Variants in FBLN5 observed in about 807,000 individuals in gnomAD.
The protein encoded by FBLN5 is fibulin 5.
FBLN5 carries 24 observed loss-of-function variants against 61.6 expected under a neutral mutation model. The observed-to-expected ratio is 0.39, with a 90% CI of 0.28 to 0.55. The LOEUF (loss-of-function observed/expected upper bound fraction) is 0.55, where lower values mean the gene tolerates loss of function less well. Among genes scored for constraint, FBLN5 ranks in the 20% least tolerant of loss-of-function variants. The pLI is 0.65. For missense variants in FBLN5, 470 were observed against 594.1 expected, an observed-to-expected ratio of 0.79 and a Z score of 2.17; for synonymous variants, 213 against 219.8, an observed-to-expected ratio of 0.97 and a Z score of 0.27.
Position 91,943,107 on chromosome 14 carries a change from T to A in FBLN5, c.18-146A>T, listed in dbSNP as rs900836894. The A allele has an allele frequency of 1.4e-6, 1 of 698,654 alleles. No homozygotes were observed. The highest frequency in any genetic ancestry group is 2.6e-6 in the Non-Finnish European group (1 of 377,658). The allele number at this position is 698,654 out of a possible 1,614,324, so 43.3% of individuals were successfully genotyped here. A position where few individuals can be genotyped will look rare whatever the true frequency, so the allele number is the denominator to read the frequency against. On this transcript the variant is annotated intron_variant, in intron 1 of 10. Transcript: ENST00000342058. This position sits in a 1 kb window ranked among gnomAD's most constrained non-coding sequence, Gnocchi z 4.0. ...TGTGCTCCAGGGAGGTCATGGTGGTTCCAGACACCGCGACCACCCAAGCAG... is the reference window on the plus strand; with the variant it reads ...TGTGCTCCAGGGAGGTCATGGTGGTACCAGACACCGCGACCACCCAAGCAG...
intron 4 of FBLN5, among the ~76,000 whole-genome samples, chr14:91,927,019 ACT>A (rs2055841362): frequency 6.6e-6 from 1 of 152,028 alleles, no homozygotes; most frequent in Admixed American, 6.5e-5. Context: ...ACTGCATCAC[ACT>A]CTCTACCACT....
chr14:91,918,126 G>A (rs989955768), intron 4 of FBLN5, among the ~76,000 whole-genome samples: 10 of 152,202 alleles, frequency 6.6e-5, no homozygotes, highest in African/African-American at 2.4e-4. Flanking sequence ...TCAAGGGACA[G>A]TCCTCAAATG....
At chr14:91,905,154 C>G (rs548856716) in intron 4 of FBLN5, among the ~76,000 whole-genome samples, 1 of 152,144 alleles carries the variant, frequency 6.6e-6, no homozygotes, top group African/African-American at 2.4e-5. Context: ...TCATGAAATA[C>G]GCACGTGCAC....
At chr14:91,926,523 T>C (rs1408715064) in intron 4 of FBLN5, among the ~76,000 whole-genome samples, 1 of 152,168 alleles carries the variant, frequency 6.6e-6, no homozygotes, top group Non-Finnish European at 1.5e-5. Context: ...GCTCGAAAGC[T>C]GCCTCTGTGG....
At chr14:91,871,069 T>C (rs1888901140) in intron 10 of FBLN5, among the ~76,000 whole-genome samples, 1 of 152,114 alleles carries the variant, frequency 6.6e-6, no homozygotes, top group Non-Finnish European at 1.5e-5. Flanking sequence ...GCTTATTACC[T>C]GGGTGATGAC....
intron 4 of FBLN5, among the ~76,000 whole-genome samples, chr14:91,913,878 CA>C (rs1271224301): frequency 1.3e-5 from 2 of 152,180 alleles, no homozygotes; most frequent in African/African-American, 4.8e-5. Context: ...CTAAATAAAT[CA>C]TGGATAACAA....
chr14:91,898,878 T>G (rs1890337035), intron 4 of FBLN5, among the ~76,000 whole-genome samples: 1 of 141,948 alleles, frequency 7.0e-6, no homozygotes, highest in South Asian at 2.4e-4. Flanking sequence ...CTAAGCTCAC[T>G]GCAAGCTCTG....
rs140062055 is a variant in FBLN5, at chr14:91,901,951, C to T, written c.380-6879G>A. The stretch of plus-strand genomic sequence containing the variant: ...GGATTCTCTTTCTCTATCCCTAAAG[C>T]GAGAGCTGGAGGAGAGTTCTGAAAG... On this transcript the variant is annotated intron_variant, in intron 4 of 10. Coordinates refer to ENST00000342058, the MANE Select transcript of FBLN5 (RefSeq NM_006329.4). Among the ~76,000 whole-genome samples the T allele has an allele frequency of 1.9e-4, 29 of 152,262 alleles. No homozygotes were observed. The East Asian group carries it at 3.3e-3, about 17-fold the overall frequency.
At chr14:91,910,979 A>C (rs1422862299) in intron 4 of FBLN5, among the ~76,000 whole-genome samples, 1 of 132,592 alleles carries the variant, frequency 7.5e-6, no homozygotes, top group African/African-American at 2.7e-5. Flanking sequence ...TCATTTTTTT[A>C]GCTTTGTAAT....
At chr14:91,932,870 G>A (rs1185107841) in intron 4 of FBLN5, among the ~76,000 whole-genome samples, 3 of 152,224 alleles carry the variant, frequency 2.0e-5, no homozygotes, top group African/African-American at 7.2e-5. Flanking sequence ...GTCAACCAAT[G>A]CAATTTGCAG....
rs555305203 is a variant in FBLN5, at chr14:91,940,019, G to A, written c.124+546C>T. The stretch of plus-strand genomic sequence containing the variant: ...TCGCTGTGTTGGCTTTGAGGATGGA[G>A]GGAGGAGCCACCAGCCAAGGAAAGC... On this transcript the variant is annotated intron_variant, in intron 3 of 10. Coordinates refer to ENST00000342058, the MANE Select transcript of FBLN5 (RefSeq NM_006329.4). 26 of 450,618 alleles carry A rather than the reference G, an allele frequency of 5.8e-5. No individual in the cohort carries two copies. In the East Asian group the frequency reaches 6.3e-4, roughly 11 times the overall value. The allele number at this position is 450,618 out of a possible 1,614,324, so 27.9% of individuals were successfully genotyped here. A position where few individuals can be genotyped will look rare whatever the true frequency, so the allele number is the denominator to read the frequency against.
rs527540885 is a variant in FBLN5 at position 91,906,455 on chromosome 14, G to C, written c.380-11383C>G. 3.5e-3 allele frequency among the ~76,000 whole-genome samples: 532 copies of C among 152,250 alleles called. 4 individuals carry two copies. The highest frequency in any genetic ancestry group is 0.012 in the African/African-American group (508 of 41,546). ...GAAACATACCACCTCCCAGTTGAGGGGTGGCCACATGCCCTGGGAGTCTAG... is the reference window on the plus strand; with the variant it reads ...GAAACATACCACCTCCCAGTTGAGGCGTGGCCACATGCCCTGGGAGTCTAG... On this transcript the variant is annotated intron_variant, in intron 4 of 10. Coordinates refer to ENST00000342058, the MANE Select transcript of FBLN5 (RefSeq NM_006329.4).
At chr14:91,891,418 T>C (rs1240941820) in intron 5 of FBLN5, 81 bp from the exon 6 acceptor site, 1 of 915,174 alleles carries the variant, frequency 1.1e-6, no homozygotes, top group African/African-American at 1.6e-5. Flanking sequence ...ATTGCCTTGC[T>C]CTTCCCAAAC....
intron 4 of FBLN5, among the ~76,000 whole-genome samples, chr14:91,905,555 G>A (rs1321380251): frequency 1.3e-5 from 2 of 151,002 alleles, no homozygotes; most frequent in Non-Finnish European, 2.9e-5. Flanking sequence ...ACGAGAAACA[G>A]GCCGGTAGGT....
intron 2 of FBLN5, chr14:91,942,049 C>T: frequency 2.3e-6 from 1 of 433,296 alleles, no homozygotes; most frequent in Non-Finnish European, 4.6e-6. Context: ...GCCTGCAGCC[C>T]TCAGCCTGCT....
At chr14:91,918,696 C>T (rs1034385498) in intron 4 of FBLN5, among the ~76,000 whole-genome samples, 1 of 152,184 alleles carries the variant, frequency 6.6e-6, no homozygotes, top group African/African-American at 2.4e-5. Context: ...TTTCTAACAA[C>T]CTCATCTTCC....
At chr14:91,907,690 C>T (rs1383546098) in intron 4 of FBLN5, among the ~76,000 whole-genome samples, 6 of 151,186 alleles carry the variant, frequency 4.0e-5, no homozygotes, top group South Asian at 4.2e-4. Context: ...ATAATGGAGG[C>T]GGAATGGATC....
chr14:91,915,065 C>G (rs1213025855), intron 4 of FBLN5, among the ~76,000 whole-genome samples: 1 of 151,868 alleles, frequency 6.6e-6, no homozygotes, highest in African/African-American at 2.4e-5. Flanking sequence ...GAGGCTGAGG[C>G]AGGAGAATCA....
intron 4 of FBLN5, among the ~76,000 whole-genome samples, chr14:91,898,255 T>C (rs1173278536): frequency 1.3e-5 from 2 of 152,148 alleles, no homozygotes; most frequent in East Asian, 3.9e-4. Context: ...AAAACACACC[T>C]GGTGTAATGC....
Sources: gnomAD v4.1 joint callset for allele counts (sites outside exome capture counted in the v4.1 genomes callset) on GRCh38, gnomAD v4.1.1 for gene constraint, Gnocchi (gnomAD v3.1) non-coding constraint, MANE v1.5 for transcripts, NCBI Gene and HGNC (gene_info 2026-07-23, HGNC 2026-07-21) for gene names.